The following RYR3 variants were observed in gnomAD, a reference collection of about 807,000 sequenced individuals.
The protein encoded by RYR3 is ryanodine receptor 3, also known as brain ryanodine receptor-calcium release channel.
A neutral mutation model predicts 584.3 loss-of-function variants in RYR3; 207 were observed. The observed-to-expected ratio is 0.35, with a 90% CI of 0.32 to 0.40. The LOEUF is 0.40. Ranked by LOEUF, RYR3 falls within the 10% of genes least tolerant of loss-of-function variation. The pLI, the probability that RYR3 is intolerant of heterozygous loss-of-function variation, is 1.00. For missense variants in RYR3, 5,616 were observed against 6,089.2 expected (o/e 0.92, Z 2.59); for synonymous variants, 2,416 against 2,248.5 (o/e 1.07, Z -2.11).
chr15:33,626,118 A>G (rs2060971813), intron 20 of RYR3, among the ~76,000 whole-genome samples: 1 of 152,204 alleles, frequency 6.6e-6, no homozygotes, highest in South Asian at 2.1e-4. Context: ...GACTTAAGTA[A>G]TCAGAAACAT....
At chr15:33,605,753 G>A (rs1361813680) in intron 18 of RYR3, among the ~76,000 whole-genome samples, 2 of 151,692 alleles carry the variant, frequency 1.3e-5, no homozygotes, top group Non-Finnish European at 2.9e-5. Flanking sequence ...AAGAAATAAA[G>A]TTTCTGTTGA....
At chr15:33,430,780 A>G (rs1234155711) in intron 1 of RYR3, among the ~76,000 whole-genome samples, 1 of 152,164 alleles carries the variant, frequency 6.6e-6, no homozygotes, top group African/African-American at 2.4e-5. Flanking sequence ...TTTACTTCTC[A>G]AAGCTGGCTA....
At position 33,530,610 on chromosome 15, in the gene RYR3, C is replaced by T; in HGVS notation, c.298C>T (p.His100Tyr). The part of the protein sequence containing the change: ...GGEGAAQGGG[H>Y]RTLLYGHAVL... ...CCCACAGGCAGCACAAGGAGGTGGC[C>T]ACAGGACCCTGTTATACGGCCATGC... is the stretch of plus-strand genomic sequence containing the variant. The change falls in exon 4 of 104, where the codon CAC becomes TAC. Residue 100 changes from histidine (H) to tyrosine (Y), a missense_variant. His to Tyr is a moderately conservative substitution (Grantham distance 83). This residue lies in a region of RYR3 where 1,284 missense variants were observed against 1,344.6 expected (regional missense o/e 0.95). Coordinates refer to ENST00000634891, the MANE Select transcript of RYR3 (RefSeq NM_001036.6). The T allele has an allele frequency of 6.2e-7, 1 of 1,613,468 alleles. No homozygotes were observed. The highest frequency in any genetic ancestry group is 8.5e-7 in the Non-Finnish European group (1 of 1,179,544).
chr15:33,447,049 T>C (rs990708205), intron 1 of RYR3, among the ~76,000 whole-genome samples: 1 of 152,254 alleles, frequency 6.6e-6, no homozygotes, highest in Non-Finnish European at 1.5e-5. Flanking sequence ...GCAGCCCTGA[T>C]TAGAATGACA....
intron 2 of RYR3, among the ~76,000 whole-genome samples, chr15:33,501,555 C>T (rs1425628528): frequency 2.0e-5 from 3 of 152,178 alleles, no homozygotes; most frequent in Admixed American, 6.5e-5. Flanking sequence ...CCAAATCATT[C>T]ATTCTGATGA....
At chr15:33,748,296 A>G (rs2070949159) in intron 54 of RYR3, 36 bp downstream of exon 54, 1 of 1,605,968 alleles carries the variant, frequency 6.2e-7, no homozygotes. Flanking sequence ...CGCTGGGCCG[A>G]TGGAAGCCAT....
rs544342234 is a variant in RYR3 at position 33,809,790 on chromosome 15, C to T, written c.10027-689C>T. ...AGCTGGGATTACAGGCATGCGCCACCGCACCTGGCCTGGATTCCTCTCTTA... is the reference window on the plus strand; with the variant it reads ...AGCTGGGATTACAGGCATGCGCCACTGCACCTGGCCTGGATTCCTCTCTTA... On this transcript the variant is annotated intron_variant, in intron 70 of 103. Coordinates refer to ENST00000634891, the MANE Select transcript of RYR3 (RefSeq NM_001036.6). Among the ~76,000 whole-genome samples, 23 of 152,150 alleles carry T rather than the reference C, an allele frequency of 1.5e-4. 1 individual carries two copies. The highest frequency in any genetic ancestry group is 5.8e-4 in the East Asian group (3 of 5,172).
At chr15:33,612,320 G>T (rs1418459857) in intron 18 of RYR3, among the ~76,000 whole-genome samples, 1 of 152,166 alleles carries the variant, frequency 6.6e-6, no homozygotes, top group Admixed American at 6.5e-5. Flanking sequence ...AAATAATAAA[G>T]TTCTTTAAAA....
intron 25 of RYR3, among the ~76,000 whole-genome samples, 186 bp downstream of exon 25, chr15:33,634,919 T>C (rs1171637976): frequency 3.9e-5 from 6 of 152,184 alleles, no homozygotes; most frequent in Non-Finnish European, 7.3e-5. Context: ...TAAACCATCA[T>C]CCCATTGACA....
At chr15:33,520,067 A>G (rs924725413) in intron 3 of RYR3, among the ~76,000 whole-genome samples, 2 of 152,116 alleles carry the variant, frequency 1.3e-5, no homozygotes, top group African/African-American at 2.4e-5. Flanking sequence ...TCCAAGGGGG[A>G]AAAAACCCCA....
rs148046152 is a variant in RYR3, at chr15:33,729,092, G to A, written c.7203+66G>A. 287 of 1,371,728 alleles carry A rather than the reference G, an allele frequency of 2.1e-4. 2 individuals carry two copies. In the African/African-American group the frequency reaches 3.4e-3, roughly 16 times the overall value. 85.0% of individuals were successfully genotyped at this position (1,371,728 alleles called of 1,614,324 possible). A position where few individuals can be genotyped will look rare whatever the true frequency, so the allele number is the denominator to read the frequency against. On this transcript the variant is annotated intron_variant, in intron 47 of 103. Transcript: ENST00000634891. The stretch of plus-strand genomic sequence containing the variant: ...TGTGAAATTAGTAATGTTGGACTTC[G>A]AAGCAAATATTTTCTCTTTACTCAC...
At chr15:33,605,795 A>G (rs1595801428) in intron 18 of RYR3, among the ~76,000 whole-genome samples, 1 of 152,210 alleles carries the variant, frequency 6.6e-6, no homozygotes, top group Non-Finnish European at 1.5e-5. Flanking sequence ...TGAATTTCAG[A>G]CTATCTTATG....
chr15:33,759,662 C>A (rs993011256), intron 60 of RYR3, among the ~76,000 whole-genome samples: 1 of 152,272 alleles, frequency 6.6e-6, no homozygotes, highest in East Asian at 1.9e-4. Flanking sequence ...ACCAAACCTA[C>A]GTTTGATTGG....
At chr15:33,629,271 A>G (rs1208422318) in intron 21 of RYR3, among the ~76,000 whole-genome samples, 1 of 152,254 alleles carries the variant, frequency 6.6e-6, no homozygotes, top group African/African-American at 2.4e-5. Flanking sequence ...CTAGAAGTGT[A>G]CTGTCTAATA....
At chr15:33,692,184 C>T (rs761744072) in intron 38 of RYR3, among the ~76,000 whole-genome samples, 3 of 152,168 alleles carry the variant, frequency 2.0e-5, no homozygotes, top group Non-Finnish European at 4.4e-5. Context: ...TTTTTAACTT[C>T]TGGACTCTGG....
Position 33,837,664 on chromosome 15 carries a change from T to C in RYR3, c.11684T>C (p.Met3895Thr). ...GTAAATGGCACCATTGGCAAGCAGA[T>C]GGTTGACACACTGGTAGAATCATCT... ...NVVNGTIGKQ[M>T]VDTLVESSTN... is the part of the protein sequence containing the mutation. The change falls in exon 89 of 104, where the codon ATG becomes ACG. Residue 3895 changes from methionine (M) to threonine (T), a missense_variant. Physicochemically the swap from Met to Thr is moderately conservative, Grantham distance 81 (BLOSUM62 -1). This residue lies in a region of RYR3 where 13 missense variants were observed against 41.1 expected (regional missense o/e 0.32). Transcript: ENST00000634891. The C allele has an allele frequency of 6.2e-7, 1 of 1,601,494 alleles. No individual in the cohort carries two copies. Among genetic ancestry groups the C allele is most frequent in the Non-Finnish European group, 8.5e-7 (1 of 1,173,556 alleles).
chr15:33,661,916 A>C (rs552380048), intron 34 of RYR3, among the ~76,000 whole-genome samples: 2 of 152,184 alleles, frequency 1.3e-5, no homozygotes, highest in Non-Finnish European at 2.9e-5. Context: ...GAAGACTTTC[A>C]TATTTGGTAA....
At position 33,631,288 on chromosome 15, in the gene RYR3, CAA is replaced by C; in HGVS notation, c.2866_2867del (p.Asn956LeufsTer8). The C allele has an allele frequency of 6.4e-7, 1 of 1,574,098 alleles. No homozygotes were observed. The highest frequency in any genetic ancestry group is 8.6e-7 in the Non-Finnish European group (1 of 1,157,866). The part of the protein sequence containing the change: ...EEDLKKVKLP[K>X]NYMMSNGYKP... ...AGGATCTCAAGAAGGTCAAACTGCCCAAAAAGTAGGTGATTTTTTTTTTAATG... is the reference window on the plus strand; with the variant it reads ...AGGATCTCAAGAAGGTCAAACTGCCCAAAGTAGGTGATTTTTTTTTTAATG... On this transcript the variant is annotated frameshift_variant, in exon 23 of 104. Transcript: ENST00000634891. LOFTEE classifies it high-confidence loss of function.
intron 14 of RYR3, among the ~76,000 whole-genome samples, chr15:33,582,872 C>T (rs2058663921): frequency 6.6e-6 from 1 of 152,170 alleles, no homozygotes; most frequent in Non-Finnish European, 1.5e-5. Flanking sequence ...CATGTATCAG[C>T]CTCAGTGAAA....
Sources: gnomAD v4.1 joint callset for allele counts (sites outside exome capture counted in the v4.1 genomes callset) on GRCh38, gnomAD v4.1.1 for gene constraint, gnomAD v4.1.1 regional missense constraint, MANE v1.5 for transcripts, NCBI Gene and HGNC (gene_info 2026-07-23, HGNC 2026-07-21) for gene names.